The following GRM3 variants were observed in gnomAD, a reference collection of about 807,000 sequenced individuals.
GRM3 encodes the protein metabotropic glutamate receptor 3.
In GRM3, 26 loss-of-function variants were observed where a neutral mutation model predicts 70.5. That is an observed-to-expected ratio of 0.37 (90% CI 0.27 to 0.51). The LOEUF (loss-of-function observed/expected upper bound fraction) is 0.51, where lower values mean the gene tolerates loss of function less well. Ranked by LOEUF, GRM3 falls within the 20% of genes least tolerant of loss-of-function variation. GRM3 has a pLI of 0.93. For missense variants in GRM3, 859 were observed against 1,123.8 expected, an observed-to-expected ratio of 0.76 and a Z score of 3.37; for synonymous variants, 443 against 434.9, an observed-to-expected ratio of 1.02 and a Z score of -0.23.
chr7:86,804,237 A>G lies in GRM3; in HGVS notation c.1324+17121A>G, dbSNP rs191373416. ...TTCTTGAGAGAATATTGCCATGAAT[A>G]AGAGTAAGAGACACTGAACCAGTAA... On this transcript the variant is annotated intron_variant, in intron 3 of 5. Coordinates refer to ENST00000361669, the MANE Select transcript of GRM3 (RefSeq NM_000840.3). 1.9e-3 allele frequency among the ~76,000 whole-genome samples: 293 copies of G among 152,314 alleles called. 1 individual carries two copies. Among genetic ancestry groups the G allele is most frequent in the Non-Finnish European group, 2.6e-3 (175 of 68,014 alleles).
At chr7:86,682,692 T>C (rs888256536) in intron 1 of GRM3, among the ~76,000 whole-genome samples, 3 of 152,168 alleles carry the variant, frequency 2.0e-5, no homozygotes, top group Admixed American at 2.0e-4. Flanking sequence ...CTCAGCCTTA[T>C]TTTTAGTTAC....
intron 3 of GRM3, among the ~76,000 whole-genome samples, chr7:86,789,431 T>C (rs1219441179): frequency 6.6e-6 from 1 of 152,246 alleles, no homozygotes; most frequent in Non-Finnish European, 1.5e-5. Context: ...AATATATGTA[T>C]ATTTTTAACT....
At chr7:86,833,991 T>C (rs1215201728) in intron 3 of GRM3, among the ~76,000 whole-genome samples, 1 of 152,238 alleles carries the variant, frequency 6.6e-6, no homozygotes, top group African/African-American at 2.4e-5. Context: ...AAGTAGCATT[T>C]GTTTATTCAC....
chr7:86,848,047 C>T (rs1798689633), intron 4 of GRM3, among the ~76,000 whole-genome samples: 1 of 152,150 alleles, frequency 6.6e-6, no homozygotes, highest in Non-Finnish European at 1.5e-5. Flanking sequence ...ACCAAATGTT[C>T]ACTACATGTG....
At chr7:86,862,689 C>G (rs933346132) in intron 5 of GRM3, among the ~76,000 whole-genome samples, 2 of 152,090 alleles carry the variant, frequency 1.3e-5, no homozygotes, top group Non-Finnish European at 2.9e-5. Flanking sequence ...TCTTACATAC[C>G]TAGCCAAGCA....
intron 1 of GRM3, among the ~76,000 whole-genome samples, chr7:86,666,111 G>A (rs76769011): frequency 6.6e-6 from 1 of 151,986 alleles, no homozygotes; most frequent in African/African-American, 2.4e-5. Flanking sequence ...ACAAAAGCAT[G>A]AGTTATTGAA....
intron 1 of GRM3, among the ~76,000 whole-genome samples, chr7:86,715,067 A>G (rs1289272491): frequency 6.6e-6 from 1 of 151,974 alleles, no homozygotes; most frequent in African/African-American, 2.4e-5. Context: ...TTATGATTTC[A>G]TTGGTCAGAA....
intron 1 of GRM3, among the ~76,000 whole-genome samples, chr7:86,742,866 G>A (rs1306753832): frequency 2.0e-5 from 3 of 152,238 alleles, no homozygotes; most frequent in East Asian, 1.9e-4. Context: ...ATTTTAGAAC[G>A]AGGATAATGA....
intron 2 of GRM3, among the ~76,000 whole-genome samples, chr7:86,778,027 T>TAAACA (rs1796939630): frequency 6.6e-6 from 1 of 152,138 alleles, no homozygotes; most frequent in Admixed American, 6.5e-5. Flanking sequence ...TTAAAAGAAC[T>TAAACA]AAACAAAACA....
At chr7:86,764,093 A>C (rs987199441) in intron 1 of GRM3, among the ~76,000 whole-genome samples, 5 of 152,252 alleles carry the variant, frequency 3.3e-5, no homozygotes, top group Admixed American at 3.3e-4. Context: ...AGATCCATTC[A>C]TAGACACGCA....
chr7:86,822,603 A>G (rs1188149310), intron 3 of GRM3, among the ~76,000 whole-genome samples: 1 of 152,192 alleles, frequency 6.6e-6, no homozygotes, highest in Non-Finnish European at 1.5e-5. Context: ...ATGGATTGCA[A>G]AGGGATAGAG....
At chr7:86,765,716 T>C (rs1796585356) in intron 2 of GRM3, 103 bp downstream of exon 2, 1 of 883,214 alleles carries the variant, frequency 1.1e-6, no homozygotes, top group Admixed American at 2.8e-5. Flanking sequence ...ACGGATTATA[T>C]CAACAATGCA....
intron 2 of GRM3, among the ~76,000 whole-genome samples, chr7:86,778,295 T>C (rs1796948447): frequency 6.6e-6 from 1 of 152,204 alleles, no homozygotes; most frequent in Non-Finnish European, 1.5e-5. Context: ...CATAAAACTA[T>C]TTATTATTGT....
intron 3 of GRM3, among the ~76,000 whole-genome samples, chr7:86,826,995 C>T (rs772314553): frequency 2.6e-5 from 4 of 152,156 alleles, no homozygotes; most frequent in Admixed American, 6.5e-5. Context: ...GTTTAGGAAA[C>T]AATGTGTCCA....
intron 3 of GRM3, among the ~76,000 whole-genome samples, chr7:86,826,216 TG>T (rs1170573586): frequency 2.0e-5 from 3 of 152,212 alleles, no homozygotes; most frequent in Non-Finnish European, 4.4e-5. Context: ...ATAGTATTCT[TG>T]GGCGCTCCGG....
At chr7:86,648,644 C>T (rs1441652854) in intron 1 of GRM3, among the ~76,000 whole-genome samples, 1 of 151,696 alleles carries the variant, frequency 6.6e-6, no homozygotes, top group Admixed American at 6.6e-5. Context: ...AGTAAGCTTA[C>T]ATCATGCATA....
chr7:86,727,736 C>T (rs1297643510), intron 1 of GRM3, among the ~76,000 whole-genome samples: 1 of 151,966 alleles, frequency 6.6e-6, no homozygotes, highest in Non-Finnish European at 1.5e-5. Context: ...TTTTTCAGTC[C>T]CCATATGTAT....
chr7:86,711,159 C>T (rs1378309486), intron 1 of GRM3, among the ~76,000 whole-genome samples: 1 of 151,640 alleles, frequency 6.6e-6, no homozygotes, highest in Non-Finnish European at 1.5e-5. Flanking sequence ...TTTGTCTTCT[C>T]TAATTTAATT....
chr7:86,714,893 G>GC (rs1197832591), intron 1 of GRM3, among the ~76,000 whole-genome samples: 1 of 151,894 alleles, frequency 6.6e-6, no homozygotes, highest in Non-Finnish European at 1.5e-5. Context: ...CTCGATTTAA[G>GC]CCAATATCCA....
Sources: gnomAD v4.1 joint callset for allele counts (sites outside exome capture counted in the v4.1 genomes callset) on GRCh38, gnomAD v4.1.1 for gene constraint, MANE v1.5 for transcripts, NCBI Gene and HGNC (gene_info 2026-07-23, HGNC 2026-07-21) for gene names.